PTPRG: variants seen among roughly 807,000 people sequenced by gnomAD.
PTPRG encodes receptor-type tyrosine-protein phosphatase gamma.
PTPRG carries 102 observed loss-of-function variants against 165.3 expected under a neutral mutation model. That is an observed-to-expected ratio of 0.62 (90% CI 0.53 to 0.73). The LOEUF is 0.73. Among genes scored for constraint, PTPRG ranks in the 30% least tolerant of loss-of-function variants. The pLI is 0.00. For missense variants in PTPRG, 1,866 were observed against 1,861.4 expected (o/e 1.00, Z -0.05); for synonymous variants, 675 against 669.5 (o/e 1.01, Z -0.13).
intron 2 of PTPRG, among the ~76,000 whole-genome samples, chr3:61,903,443 G>A (rs536813648): frequency 1.1e-4 from 17 of 152,008 alleles, no homozygotes; most frequent in Non-Finnish European, 1.8e-4. Context: ...GCACAATCTC[G>A]GCTCACTGCA....
chr3:62,053,425 C>T (rs568394162), intron 4 of PTPRG, among the ~76,000 whole-genome samples: 7 of 152,188 alleles, frequency 4.6e-5, no homozygotes, highest in Non-Finnish European at 7.4e-5. Flanking sequence ...CGCCATCACA[C>T]CTGGCTAATT....
At chr3:61,583,154 A>G (rs1382872164) in intron 1 of PTPRG, among the ~76,000 whole-genome samples, 1 of 152,230 alleles carries the variant, frequency 6.6e-6, no homozygotes, top group Non-Finnish European at 1.5e-5. Flanking sequence ...CTCATGGTAT[A>G]AAGCCATTAG....
intron 1 of PTPRG, among the ~76,000 whole-genome samples, chr3:61,716,417 T>A (rs1301685262): frequency 6.6e-6 from 1 of 152,180 alleles, no homozygotes; most frequent in Non-Finnish European, 1.5e-5. Context: ...ATCTACCCTG[T>A]GGGATAACAA....
intron 5 of PTPRG, among the ~76,000 whole-genome samples, chr3:62,103,288 A>ATT (rs1702356345): frequency 6.6e-6 from 1 of 152,192 alleles, no homozygotes; most frequent in African/African-American, 2.4e-5. Flanking sequence ...CATTAAGTGA[A>ATT]GGTCTTAATA....
Position 62,013,163 on chromosome 3 carries a change from A to G in PTPRG, c.519+9666A>G, listed in dbSNP as rs186680910. On this transcript the variant is annotated intron_variant, in intron 4 of 29. Coordinates refer to ENST00000474889, the MANE Select transcript of PTPRG (RefSeq NM_002841.4). ...TCAGTTGAATTAATCTGTTTCCCCA[A>G]TACATTCCAAAATATTGTTTTAACA... Among the ~76,000 whole-genome samples the G allele has an allele frequency of 3.9e-5, 6 of 152,308 alleles. No homozygotes were observed. In the East Asian group the frequency reaches 7.7e-4, roughly 20 times the overall value.
intron 2 of PTPRG, among the ~76,000 whole-genome samples, chr3:61,838,368 C>A (rs905078195): frequency 1.3e-5 from 2 of 152,168 alleles, no homozygotes; most frequent in East Asian, 1.9e-4. Flanking sequence ...TATATAGTTT[C>A]TTTTCCCTTT....
chr3:61,953,679 C>T (rs775672436), intron 2 of PTPRG, among the ~76,000 whole-genome samples: 2 of 152,186 alleles, frequency 1.3e-5, no homozygotes, highest in Non-Finnish European at 2.9e-5. Context: ...CTCACTGCTG[C>T]ATTTTCTTCT....
intron 1 of PTPRG, among the ~76,000 whole-genome samples, chr3:61,672,416 C>T (rs1703037166): frequency 1.5e-5 from 2 of 136,028 alleles, no homozygotes; most frequent in Admixed American, 1.5e-4. Flanking sequence ...CCACTGCACT[C>T]CAGCCTGGGC....
chr3:62,225,749 G>T (rs111579821), intron 13 of PTPRG, among the ~76,000 whole-genome samples: 68 of 150,108 alleles, frequency 4.5e-4, no homozygotes, highest in African/African-American at 1.6e-3. Context: ...CCACCTCCTG[G>T]GTTCAAGCAA....
At chr3:61,724,704 A>G (rs1225705835) in intron 1 of PTPRG, among the ~76,000 whole-genome samples, 1 of 152,054 alleles carries the variant, frequency 6.6e-6, no homozygotes, top group Non-Finnish European at 1.5e-5. Flanking sequence ...ATGCAGTTAT[A>G]TCTCAGTGTG....
chr3:62,102,071 C>T (rs4688287), intron 5 of PTPRG, among the ~76,000 whole-genome samples: 104,051 of 151,928 alleles, frequency 0.68, 35,791 homozygotes, highest in Middle Eastern at 0.78. Context: ...CCTATTGTTA[C>T]CGTATTCCTT....
At chr3:61,861,468 T>A (rs1421676175) in intron 2 of PTPRG, among the ~76,000 whole-genome samples, 1 of 152,202 alleles carries the variant, frequency 6.6e-6, no homozygotes, top group African/African-American at 2.4e-5. Flanking sequence ...CAGTTCCCTG[T>A]TATTAGAGTC....
intron 2 of PTPRG, among the ~76,000 whole-genome samples, chr3:61,891,325 A>G (rs964479934): frequency 2.0e-5 from 3 of 152,010 alleles, no homozygotes; most frequent in South Asian, 2.1e-4. Context: ...ATAAAAATAA[A>G]CTTAATCTCA....
At chr3:61,623,353 TG>T (rs1461910438) in intron 1 of PTPRG, among the ~76,000 whole-genome samples, 4 of 152,146 alleles carry the variant, frequency 2.6e-5, no homozygotes, top group African/African-American at 9.7e-5. Flanking sequence ...AACAACTGCA[TG>T]GTTAAGGCAG....
chr3:61,620,393 T>G (rs1234142764), intron 1 of PTPRG, among the ~76,000 whole-genome samples: 1 of 152,102 alleles, frequency 6.6e-6, no homozygotes, highest in Non-Finnish European at 1.5e-5. Context: ...GCGGATTGAA[T>G]TTGCAGAGGG....
chr3:61,973,484 A>C (rs558946336), intron 2 of PTPRG, among the ~76,000 whole-genome samples: 1 of 152,166 alleles, frequency 6.6e-6, no homozygotes, highest in African/African-American at 2.4e-5. Context: ...TCAGTTTCCT[A>C]TTAATCGTAT....
rs116997563 is a variant in PTPRG at position 61,921,535 on chromosome 3, A to G, written c.191-68090A>G. ...GAAAATCCACACATGACTTCATGTG[A>G]CGAGTTGCATTCAAAATACAGTCAC... On this transcript the variant is annotated intron_variant, in intron 2 of 29. Transcript: ENST00000474889. 4.6e-5 allele frequency among the ~76,000 whole-genome samples: 7 copies of G among 152,304 alleles called. No individual in the cohort carries two copies. The East Asian group carries it at 1.4e-3, about 29-fold the overall frequency.
chr3:61,777,045 A>G (rs1000939886), intron 2 of PTPRG, among the ~76,000 whole-genome samples: 1 of 152,194 alleles, frequency 6.6e-6, no homozygotes, highest in Non-Finnish European at 1.5e-5. Flanking sequence ...CTAGATCAGT[A>G]CTGCATATGA....
intron 1 of PTPRG, among the ~76,000 whole-genome samples, chr3:61,637,924 A>G (rs1701960126): frequency 7.9e-6 from 1 of 126,830 alleles, no homozygotes; most frequent in Non-Finnish European, 1.8e-5. Context: ...TTATTTATTC[A>G]GACTGGATCT....
Sources: allele counts gnomAD v4.1 joint callset (sites outside exome capture counted in the v4.1 genomes callset), GRCh38; gene constraint gnomAD v4.1.1; transcripts MANE v1.5; gene names NCBI Gene and HGNC (gene_info 2026-07-23, HGNC 2026-07-21).